MCTP1: variants seen among roughly 807,000 people sequenced by gnomAD.
MCTP1 encodes the protein multiple C2 and transmembrane domain containing 1, also known as multiple C2 and transmembrane domain-containing protein 1.
A neutral mutation model predicts 120.6 loss-of-function variants in MCTP1; 69 were observed. The observed-to-expected ratio is 0.57, with a 90% CI of 0.47 to 0.70. MCTP1 has a LOEUF of 0.70. Among genes scored for constraint, MCTP1 ranks in the 30% least tolerant of loss-of-function variants. The probability of loss-of-function intolerance (pLI) is 0.00; values close to 1 mark genes in which losing one functional copy is unlikely to be tolerated. For synonymous variants in MCTP1, 529 were observed against 493.1 expected, an observed-to-expected ratio of 1.07 and a Z score of -0.96; for missense variants, 1,203 against 1,248.8, an observed-to-expected ratio of 0.96 and a Z score of 0.55.
At chr5:94,806,671 T>C (rs1270528409) in intron 17 of MCTP1, among the ~76,000 whole-genome samples, 2 of 152,222 alleles carry the variant, frequency 1.3e-5, no homozygotes, top group Non-Finnish European at 2.9e-5. Context: ...ATATTGAATA[T>C]CCTATTCTTT....
chr5:95,127,379 T>A (rs777693341), intron 1 of MCTP1, among the ~76,000 whole-genome samples: 1 of 152,168 alleles, frequency 6.6e-6, no homozygotes, highest in East Asian at 1.9e-4. Flanking sequence ...ACAGGGATAC[T>A]GACACAGGAC....
At position 95,132,730 on chromosome 5, in the gene MCTP1, C is replaced by T. The variant is rs539887031; in HGVS notation, c.721-115246G>A. ...GAGATCCCAGCTTACATCATTTCCT[C>T]GGGGCAGCCTTCTCTCACTATTGGG... On this transcript the variant is annotated intron_variant, in intron 1 of 22. Transcript: ENST00000515393. 9.3e-4 allele frequency among the ~76,000 whole-genome samples: 142 copies of T among 152,308 alleles called. 1 individual carries two copies. Among genetic ancestry groups the T allele is most frequent in the African/African-American group, 2.6e-3 (107 of 41,560 alleles).
At chr5:94,747,030 T>C (rs1326670637) in intron 19 of MCTP1, among the ~76,000 whole-genome samples, 1 of 152,220 alleles carries the variant, frequency 6.6e-6, no homozygotes, top group African/African-American at 2.4e-5. Context: ...AGGTTGATAA[T>C]TAGATAATGT....
intron 19 of MCTP1, among the ~76,000 whole-genome samples, chr5:94,752,535 G>A (rs1768746560): frequency 6.6e-6 from 1 of 151,912 alleles, no homozygotes; most frequent in South Asian, 2.1e-4. Flanking sequence ...CAATTCCTAG[G>A]TTCCACCTTA....
At position 94,912,932 on chromosome 5, in the gene MCTP1, C is replaced by T. The variant is rs1188495020; in HGVS notation, c.1395G>A (p.Ser465=). The T allele has an allele frequency of 8.7e-6, 14 of 1,603,052 alleles. No individual in the cohort carries two copies. Among genetic ancestry groups the T allele is most frequent in the South Asian group, 5.6e-5 (5 of 89,234 alleles). The change falls in exon 9 of 23, where the codon TCG becomes TCA. Residue 465 remains serine (S), a synonymous_variant. Transcript: ENST00000515393. ...SLRLSDLHRK[S]HLWRGIVSIT... is the part of the protein sequence containing the mutation. ...TGCTGACTATTCCTCTCCAAAGATG[C>T]GATTTTCTGTGTAGGTCTGATAGGC...
intron 1 of MCTP1, among the ~76,000 whole-genome samples, chr5:95,259,192 G>A (rs373651640): frequency 5.2e-4 from 79 of 152,214 alleles, no homozygotes; most frequent in African/African-American, 1.5e-3. Context: ...GGACTACCTT[G>A]GAGAATCATC....
chr5:94,855,264 ATTTGT>A (rs1581051179), intron 17 of MCTP1, among the ~76,000 whole-genome samples: 1 of 151,748 alleles, frequency 6.6e-6, no homozygotes, highest in Non-Finnish European at 1.5e-5. Flanking sequence ...GTTACAGCAA[ATTTGT>A]TTTCTCAAAA....
intron 19 of MCTP1, among the ~76,000 whole-genome samples, chr5:94,778,455 C>T (rs1775895453): frequency 6.6e-6 from 1 of 152,074 alleles, no homozygotes; most frequent in South Asian, 2.1e-4. Flanking sequence ...TTCCTACCTC[C>T]AGTTGTCCCC....
intron 1 of MCTP1, among the ~76,000 whole-genome samples, chr5:95,070,493 A>ACTGTT (rs1562109509): frequency 6.6e-6 from 1 of 152,118 alleles, no homozygotes; most frequent in African/African-American, 2.4e-5. Context: ...ATTGCTCTCA[A>ACTGTT]CACTCTGAGA....
intron 1 of MCTP1, among the ~76,000 whole-genome samples, chr5:95,207,928 CGAGAGAGAGA>C (rs753843212): frequency 3.5e-5 from 3 of 84,604 alleles, no homozygotes; most frequent in African/African-American, 8.4e-5. Flanking sequence ...AATGAGCGGG[CGAGAGAGAGA>C]GAGAGAGAGG....
intron 19 of MCTP1, among the ~76,000 whole-genome samples, chr5:94,770,859 C>T (rs17391069): frequency 1.3e-5 from 2 of 152,042 alleles, no homozygotes; most frequent in African/African-American, 4.8e-5. Context: ...TTTTGGAGAA[C>T]CCCAGGATTC....
chr5:94,900,931 C>G (rs1361424474), intron 10 of MCTP1, among the ~76,000 whole-genome samples: 1 of 152,172 alleles, frequency 6.6e-6, no homozygotes, highest in Non-Finnish European at 1.5e-5. Context: ...AATGTATTAT[C>G]TAGTTATACT....
intron 17 of MCTP1, among the ~76,000 whole-genome samples, chr5:94,801,863 T>G (rs1781308242): frequency 6.6e-6 from 1 of 152,216 alleles, no homozygotes; most frequent in South Asian, 2.1e-4. Flanking sequence ...ACCACTTGCT[T>G]CAAGCATCAG....
At chr5:95,060,799 C>G (rs560379518) in intron 1 of MCTP1, among the ~76,000 whole-genome samples, 9 of 152,064 alleles carry the variant, frequency 5.9e-5, no homozygotes, top group Non-Finnish European at 1.3e-4. Flanking sequence ...TGGCAAAACC[C>G]TGTCTCTACT....
intron 1 of MCTP1, among the ~76,000 whole-genome samples, chr5:95,155,622 T>C (rs1261140714): frequency 6.6e-6 from 1 of 151,652 alleles, no homozygotes; most frequent in East Asian, 1.9e-4. Context: ...AGTTTAGGAT[T>C]TTAATTATAT....
chr5:95,087,814 T>A (rs1755547270), intron 1 of MCTP1, among the ~76,000 whole-genome samples: 1 of 152,154 alleles, frequency 6.6e-6, no homozygotes, highest in Non-Finnish European at 1.5e-5. Context: ...GCCCTTCTGA[T>A]TCCATGCTCA....
intron 1 of MCTP1, among the ~76,000 whole-genome samples, chr5:95,090,697 T>C (rs1257272411): frequency 6.6e-6 from 1 of 152,204 alleles, no homozygotes; most frequent in Non-Finnish European, 1.5e-5. Context: ...ATTGCCATAA[T>C]GCTTTGGCTG....
chr5:94,971,327 TA>T (rs971814197), intron 2 of MCTP1, among the ~76,000 whole-genome samples: 1 of 152,152 alleles, frequency 6.6e-6, no homozygotes, highest in African/African-American at 2.4e-5. Context: ...TAAAATTTAT[TA>T]AATTTTTATC....
intron 1 of MCTP1, among the ~76,000 whole-genome samples, chr5:95,116,122 T>A (rs964113665): frequency 1.3e-5 from 2 of 152,072 alleles, no homozygotes; most frequent in South Asian, 4.1e-4. Context: ...AGAGATTTCA[T>A]CACACCAGAC....
Sources: gnomAD v4.1 joint callset for allele counts (sites outside exome capture counted in the v4.1 genomes callset) on GRCh38, gnomAD v4.1.1 for gene constraint, MANE v1.5 for transcripts, NCBI Gene and HGNC (gene_info 2026-07-23, HGNC 2026-07-21) for gene names.